Variants in CLEC5A observed in about 807,000 individuals in gnomAD.
CLEC5A encodes the protein C-type lectin domain containing 5A, also known as C-type lectin domain family 5 member A.
A neutral mutation model predicts 24.4 loss-of-function variants in CLEC5A; 15 were observed. That is an observed-to-expected ratio of 0.62 (90% confidence interval 0.41 to 0.95). CLEC5A has a LOEUF of 0.95. Among genes scored for constraint, CLEC5A ranks in the 40% least tolerant of loss-of-function variants. CLEC5A has a pLI of 0.00. For synonymous variants in CLEC5A, 71 were observed against 72.6 expected, an observed-to-expected ratio of 0.98 and a Z score of 0.11; for missense variants, 211 against 224.0, an observed-to-expected ratio of 0.94 and a Z score of 0.37.
chr7:141,932,550 T>C (rs117045059), intron 5 of CLEC5A, among the ~76,000 whole-genome samples: 4,260 of 152,366 alleles, frequency 0.028, 92 homozygotes, highest in Non-Finnish European at 0.041. Context: ...CCTTAGTTTC[T>C]CACTTTTCAA....
intron 4 of CLEC5A, among the ~76,000 whole-genome samples, chr7:141,940,395 G>T (rs1421544856): frequency 6.6e-6 from 1 of 151,370 alleles, no homozygotes; most frequent in Non-Finnish European, 1.5e-5. Flanking sequence ...AAATGATAAT[G>T]AAAACACAAC....
intron 4 of CLEC5A, among the ~76,000 whole-genome samples, chr7:141,941,901 A>G (rs1802804370): frequency 6.6e-6 from 1 of 152,166 alleles, no homozygotes; most frequent in Admixed American, 6.5e-5. Context: ...AATGAAAACT[A>G]TAAAACATGG....
chr7:141,945,430 C>A (rs1481796318), intron 2 of CLEC5A, 30 bp from the exon 3 acceptor site: 2 of 1,532,826 alleles, frequency 1.3e-6, no homozygotes, highest in South Asian at 1.1e-5. Flanking sequence ...TTGGCTCAGC[C>A]CCAAATGTGA....
intron 3 of CLEC5A, 78 bp from the exon 4 acceptor site, chr7:141,944,042 G>A: frequency 5.9e-6 from 5 of 846,452 alleles, no homozygotes; most frequent in South Asian, 1.3e-5. Context: ...TATGGGCTGT[G>A]TGACTCTGAA....
Position 141,929,022 on chromosome 7 carries a change from CCT to C in CLEC5A, c.*1080_*1081del, listed in dbSNP as rs1802374926. On this transcript the variant is annotated 3_prime_UTR_variant, in exon 7 of 7. Transcript: ENST00000546910. The stretch of plus-strand genomic sequence containing the variant: ...TCTTCCAGTGTGGCCAAATGAACTC[CCT>C]GTTTCCTGTCTCAGGTGATTTCCAT... 6.6e-6 allele frequency: 1 copy of C among 152,138 alleles called. No homozygotes were observed. Among genetic ancestry groups the C allele is most frequent in the Non-Finnish European group, 1.5e-5 (1 of 68,058 alleles). 9.4% of individuals were successfully genotyped at this position (152,138 alleles called of 1,614,324 possible).
chr7:141,936,422 T>C (rs556331623), intron 4 of CLEC5A: 6 of 182,662 alleles, frequency 3.3e-5, no homozygotes, highest in Admixed American at 6.0e-5. Context: ...TGTGAGACTT[T>C]ACATTGGACT....
intron 5 of CLEC5A, among the ~76,000 whole-genome samples, chr7:141,933,636 G>T (rs1191843869): frequency 2.8e-5 from 4 of 145,090 alleles, no homozygotes; most frequent in Non-Finnish European, 4.5e-5. Context: ...TAACCTATTT[G>T]TGTAAGCTCA....
chr7:141,933,329 C>T (rs1802518628), intron 5 of CLEC5A, among the ~76,000 whole-genome samples: 1 of 151,840 alleles, frequency 6.6e-6, no homozygotes, highest in South Asian at 2.1e-4. Context: ...TATGGACTTC[C>T]TGGAAGAGAG....
At chr7:141,942,917 G>T (rs117668193) in intron 4 of CLEC5A, among the ~76,000 whole-genome samples, 2,911 of 152,142 alleles carry the variant, frequency 0.019, 37 homozygotes, top group Non-Finnish European at 0.029. Flanking sequence ...TATCCAAAAG[G>T]CAGGCAATAC....
At chr7:141,931,054 A>G (rs1167351827) in intron 6 of CLEC5A, among the ~76,000 whole-genome samples, 1 of 152,042 alleles carries the variant, frequency 6.6e-6, no homozygotes, top group Non-Finnish European at 1.5e-5. Context: ...ACCAATCCTC[A>G]TCTCCATGGA....
Position 141,935,866 on chromosome 7 carries a change from A to G in CLEC5A, c.293T>C (p.Phe98Ser), listed in dbSNP as rs1554441016. 1 of 1,613,886 alleles carries G rather than the reference A, an allele frequency of 6.2e-7. No homozygotes were observed. The change falls in exon 5 of 7, where the codon TTT (phenylalanine) becomes TCT (serine). Residue 98 changes from phenylalanine to serine, a missense_variant. By Grantham distance (155) the Phe-to-Ser change is radical. Transcript: ENST00000546910. ...CAATGTGGATCCTTTTCCTTTGCAA[A>G]AGTCCCTGCTTTCATTCCAAGATGA... ...SESSWNESRD[F>S]CKGKGSTLAI...
intron 5 of CLEC5A, among the ~76,000 whole-genome samples, chr7:141,934,446 G>T (rs1034648561): frequency 6.6e-6 from 1 of 151,918 alleles, no homozygotes; most frequent in African/African-American, 2.4e-5. Flanking sequence ...AGAGTGGGGG[G>T]GTCAAATATA....
At chr7:141,946,089 G>T in intron 2 of CLEC5A, 125 bp downstream of exon 2, 1 of 1,011,658 alleles carries the variant, frequency 9.9e-7, no homozygotes, top group Non-Finnish European at 1.5e-6. Flanking sequence ...CCTCAGGTTG[G>T]GTCAGTTAGT....
At chr7:141,934,613 GTTTTTTTTTT>G (rs577797546) in intron 5 of CLEC5A, among the ~76,000 whole-genome samples, 2 of 61,802 alleles carry the variant, frequency 3.2e-5, no homozygotes, top group African/African-American at 1.3e-4. Context: ...TTTCTTTAAC[GTTTTTTTTTT>G]TTTTTTTTTT....
intron 5 of CLEC5A, among the ~76,000 whole-genome samples, chr7:141,934,142 G>T (rs1802547849): frequency 6.6e-6 from 1 of 152,144 alleles, no homozygotes; most frequent in African/African-American, 2.4e-5. Flanking sequence ...AGGAGAACTG[G>T]CGTTTAACCC....
rs144126140 is a variant in CLEC5A, at chr7:141,944,281, C to G, written c.140-317G>C. Among the ~76,000 whole-genome samples the G allele has an allele frequency of 4.3e-3, 659 of 152,266 alleles. 5 individuals carry two copies. Among genetic ancestry groups the G allele is most frequent in the African/African-American group, 0.015 (633 of 41,566 alleles). On this transcript the variant is annotated intron_variant, in intron 3 of 6. Transcript: ENST00000546910. ...AGTATCAGAGAGAAACTCTCACACT[C>G]CTATCGTATATAAACCTTTGACAGT...
chr7:141,928,251 G>A lies in CLEC5A; in HGVS notation c.*1853C>T, dbSNP rs1802355720. The A allele has an allele frequency of 6.6e-6, 1 of 152,454 alleles. No homozygotes were observed. Among genetic ancestry groups the A allele is most frequent in the South Asian group, 2.1e-4 (1 of 4,828 alleles). 9.4% of individuals were successfully genotyped at this position (152,454 alleles called of 1,614,324 possible). ...CACAGAAGTGTCTCCTAATCTTGGG[G>A]GAAATTAAACTGTCTACTAAAGAAA... On this transcript the variant is annotated 3_prime_UTR_variant, in exon 7 of 7. Coordinates refer to ENST00000546910, the MANE Select transcript of CLEC5A (RefSeq NM_013252.3).
At chr7:141,935,737 C>CT in intron 5 of CLEC5A, 77 bp downstream of exon 5, 4 of 1,338,576 alleles carry the variant, frequency 3.0e-6, no homozygotes, top group Non-Finnish European at 4.1e-6. Flanking sequence ...TCCCCACTCC[C>CT]CCAAGTTTCT....
chr7:141,938,503 A>C (rs1281848962), intron 4 of CLEC5A, among the ~76,000 whole-genome samples: 2 of 152,210 alleles, frequency 1.3e-5, no homozygotes, highest in Non-Finnish European at 2.9e-5. Flanking sequence ...TAGCCTCAAA[A>C]GGGCAAATGT....
Sources: allele counts gnomAD v4.1 joint callset (sites outside exome capture counted in the v4.1 genomes callset), GRCh38; gene constraint gnomAD v4.1.1; transcripts MANE v1.5; gene names NCBI Gene and HGNC (gene_info 2026-07-23, HGNC 2026-07-21).